The following KLB variants were observed in gnomAD, a reference collection of about 807,000 sequenced individuals.
KLB encodes klotho beta, also known as beta-klotho.
A neutral mutation model predicts 88.4 loss-of-function variants in KLB; 44 were observed. The ratio of observed to expected loss-of-function variants is 0.50; its 90% CI spans 0.39 to 0.64. The LOEUF is 0.64. KLB is among the 30% of genes least tolerant of loss of function. KLB has a pLI of 0.00. For synonymous variants in KLB, 548 were observed against 513.4 expected (o/e 1.07, Z -0.91); for missense variants, 1,137 against 1,304.8 (o/e 0.87, Z 1.98).
intron 1 of KLB, among the ~76,000 whole-genome samples, chr4:39,429,165 A>G (rs1335560850): frequency 6.6e-6 from 1 of 152,228 alleles, no homozygotes; most frequent in Non-Finnish European, 1.5e-5. Flanking sequence ...AGACACTTTT[A>G]TAGTACACAT....
chr4:39,447,545 G>C (rs1173054554), intron 4 of KLB, 70 bp downstream of exon 4: 2 of 1,323,790 alleles, frequency 1.5e-6, no homozygotes, highest in Non-Finnish European at 2.0e-6. Context: ...CAAAGAATGG[G>C]AGCAGCAGGC....
At chr4:39,427,210 C>T (rs998946453) in intron 1 of KLB, among the ~76,000 whole-genome samples, 10 of 152,032 alleles carry the variant, frequency 6.6e-5, no homozygotes, top group East Asian at 1.9e-4. Context: ...AGGCCGGACG[C>T]GGTGGTTCAT....
chr4:39,424,750 TC>T, intron 1 of KLB, among the ~76,000 whole-genome samples: 3 of 152,070 alleles, frequency 2.0e-5, no homozygotes, highest in Admixed American at 2.0e-4. Flanking sequence ...TGTTTCAGCC[TC>T]CCTGGTAGCT....
Position 39,448,699 on chromosome 4 carries a change from G to C in KLB, c.*13G>C. 1 of 1,596,938 alleles carries C rather than the reference G, an allele frequency of 6.3e-7. No individual in the cohort carries two copies. The highest frequency in any genetic ancestry group is 1.3e-5 in the African/African-American group (1 of 74,626). ...AGTTGTTAGCTAAACTGATCTGTCT[G>C]CATGATAGACAGTTTAAAAATTCAT... On this transcript the variant is annotated 3_prime_UTR_variant, in exon 5 of 5. Transcript: ENST00000257408.
chr4:39,414,671 C>G (rs1316024692), intron 1 of KLB, among the ~76,000 whole-genome samples: 1 of 151,700 alleles, frequency 6.6e-6, no homozygotes, highest in African/African-American at 2.4e-5. Flanking sequence ...GAGTTCGAGA[C>G]CAGCCTGGCC....
intron 1 of KLB, among the ~76,000 whole-genome samples, chr4:39,416,274 G>C (rs897377776): frequency 1.3e-5 from 2 of 151,542 alleles, no homozygotes; most frequent in Admixed American, 6.6e-5. Flanking sequence ...TGTTTATGAG[G>C]GTTTATTATT....
At chr4:39,436,364 A>G (rs1743473127) in intron 2 of KLB, among the ~76,000 whole-genome samples, 1 of 152,208 alleles carries the variant, frequency 6.6e-6, no homozygotes, top group African/African-American at 2.4e-5. Flanking sequence ...GGCCATGCAC[A>G]TAGGGGCCAA....
chr4:39,434,315 G>C lies in KLB; in HGVS notation c.931G>C (p.Glu311Gln). The C allele has an allele frequency of 6.2e-7, 1 of 1,614,186 alleles. No individual in the cohort carries two copies. The highest frequency in any genetic ancestry group is 8.5e-7 in the Non-Finnish European group (1 of 1,180,034). ...GSHWIEPNRS[E>Q]NTMDIFKCQQ... ...TCATTGGATCGAGCCAAACCGGTCG[G>C]AAAACACGATGGATATATTCAAATG... The change falls in exon 2 of 5, where the codon GAA becomes CAA. Residue 311 changes from glutamate (E) to glutamine (Q), a missense_variant. Physicochemically the swap from Glu to Gln is conservative, Grantham distance 29. This residue lies in a region of KLB where 597 missense variants were observed against 765.2 expected (regional missense o/e 0.78). Transcript: ENST00000257408.
At chr4:39,418,443 T>A (rs1454714487) in intron 1 of KLB, among the ~76,000 whole-genome samples, 1 of 151,968 alleles carries the variant, frequency 6.6e-6, no homozygotes, top group African/African-American at 2.4e-5. Context: ...TTCGCCATGT[T>A]GGCCAGGCTG....
chr4:39,421,264 G>A (rs1743076785), intron 1 of KLB, among the ~76,000 whole-genome samples: 1 of 152,160 alleles, frequency 6.6e-6, no homozygotes, highest in South Asian at 2.1e-4. Flanking sequence ...AGTGACAAAA[G>A]GGATAAAATA....
Position 39,434,711 on chromosome 4 carries a change from G to A in KLB, c.1327G>A (p.Val443Met). 1 of 1,610,658 alleles carries A rather than the reference G, an allele frequency of 6.2e-7. No homozygotes were observed. The change falls in exon 2 of 5, where the codon GTG becomes ATG. Residue 443 changes from valine (V) to methionine (M), a missense_variant. Transcript: ENST00000257408. ...CATGATGAAGAATTTCCTCAGCCAG[G>A]TGCTTCAAGGTTGGTTGTACACTTG... ...IYMMKNFLSQVLQAIRLDEIR... is the reference protein window; with the variant it reads ...IYMMKNFLSQMLQAIRLDEIR...
intron 3 of KLB, among the ~76,000 whole-genome samples, chr4:39,445,924 ACCT>A (rs1415842280): frequency 1.3e-5 from 2 of 151,998 alleles, no homozygotes; most frequent in African/African-American, 4.8e-5. Context: ...CCTGGGGTCA[ACCT>A]CCTCTTCTCA....
At chr4:39,419,389 A>G (rs886624922) in intron 1 of KLB, among the ~76,000 whole-genome samples, 8 of 150,970 alleles carry the variant, frequency 5.3e-5, no homozygotes, top group Non-Finnish European at 1.0e-4. Context: ...GAAACTATGA[A>G]CTGAGGGAAA....
At chr4:39,438,083 C>CATTG in intron 3 of KLB, 88 bp downstream of exon 3, 1 of 1,218,308 alleles carries the variant, frequency 8.2e-7, no homozygotes, top group East Asian at 2.3e-5. Context: ...AGATAGCTGT[C>CATTG]AGACAATATC....
At chr4:39,421,749 C>T (rs1294070955) in intron 1 of KLB, among the ~76,000 whole-genome samples, 9 of 150,096 alleles carry the variant, frequency 6.0e-5, no homozygotes, top group African/African-American at 2.2e-4. Flanking sequence ...AGCAACACTC[C>T]GTCAAAAAAA....
intron 1 of KLB, among the ~76,000 whole-genome samples, chr4:39,421,620 TA>T (rs1244417889): frequency 6.6e-6 from 1 of 152,156 alleles, no homozygotes; most frequent in Non-Finnish European, 1.5e-5. Flanking sequence ...CTGGGCATAG[TA>T]GCCCGTGCTT....
In KLB at chr4:39,441,441, C is replaced by T. The variant is rs145045594; in HGVS notation, c.1605+3446C>T. 4.8e-3 allele frequency among the ~76,000 whole-genome samples: 725 copies of T among 152,216 alleles called. 1 individual carries two copies. Among genetic ancestry groups the T allele is most frequent in the South Asian group, 0.013 (63 of 4,818 alleles). ...CCAGGAGATATAAGAGTTTCTTTGC[C>T]TGCCTGTATGGGAGACCCAACCTAC... On this transcript the variant is annotated intron_variant, in intron 3 of 4. Transcript: ENST00000257408.
chr4:39,426,869 T>C (rs1743229812), intron 1 of KLB, among the ~76,000 whole-genome samples: 1 of 151,976 alleles, frequency 6.6e-6, no homozygotes, highest in Non-Finnish European at 1.5e-5. Context: ...TAATTTTTAG[T>C]AGAGAAAGAG....
At chr4:39,412,008 A>C (rs1484898954) in intron 1 of KLB, 1 of 151,746 alleles carries the variant, frequency 6.6e-6, no homozygotes. Context: ...CTATATATAC[A>C]GAATGATATA....
Sources: gnomAD v4.1 joint callset for allele counts (sites outside exome capture counted in the v4.1 genomes callset) on GRCh38, gnomAD v4.1.1 for gene constraint, gnomAD v4.1.1 regional missense constraint, MANE v1.5 for transcripts, NCBI Gene and HGNC (gene_info 2026-07-23, HGNC 2026-07-21) for gene names.